The following FAF1 variants were observed in gnomAD, a reference collection of about 807,000 sequenced individuals.
FAF1 encodes Fas associated factor 1, also known as FAS-associated factor 1.
A neutral mutation model predicts 92.5 loss-of-function variants in FAF1; 25 were observed. The observed-to-expected ratio is 0.27, with a 90% CI of 0.20 to 0.38. The LOEUF is 0.38. Among genes scored for constraint, FAF1 ranks in the 10% least tolerant of loss-of-function variants. The probability of loss-of-function intolerance (pLI) is 1.00; values close to 1 mark genes in which losing one functional copy is unlikely to be tolerated. For missense variants in FAF1, 636 were observed against 793.3 expected, an observed-to-expected ratio of 0.80 and a Z score of 2.38; for synonymous variants, 234 against 273.2, an observed-to-expected ratio of 0.86 and a Z score of 1.42.
intron 2 of FAF1, among the ~76,000 whole-genome samples, chr1:50,853,087 A>T (rs942050777): frequency 2.0e-5 from 3 of 152,074 alleles, no homozygotes. Flanking sequence ...GAGGACAGAG[A>T]CTCATTATTA....
chr1:50,468,029 C>A (rs1166480967), intron 18 of FAF1, among the ~76,000 whole-genome samples: 1 of 152,032 alleles, frequency 6.6e-6, no homozygotes, highest in African/African-American at 2.4e-5. Context: ...GGCAACATGG[C>A]AAAATCCCAT....
intron 1 of FAF1, among the ~76,000 whole-genome samples, chr1:50,869,182 T>G (rs919876129): frequency 6.6e-6 from 1 of 152,174 alleles, no homozygotes; most frequent in Non-Finnish European, 1.5e-5. Flanking sequence ...GGTATTAATA[T>G]TGTCATCTAG....
At position 50,931,888 on chromosome 1, in the gene FAF1, AAATAATAAT is replaced by A. The variant is rs201964842; in HGVS notation, c.45+27870_45+27878del. On this transcript the variant is annotated intron_variant, in intron 1 of 18. Transcript: ENST00000396153. ...GACTCTGTCTCAAAAATAAATAAAT[AAATAATAAT>A]AATAATAATAATAATAATAATAATA... is the stretch of plus-strand genomic sequence containing the variant. 4.4e-3 allele frequency among the ~76,000 whole-genome samples: 574 copies of A among 129,480 alleles called. 2 individuals carry two copies. The highest frequency in any genetic ancestry group is 4.9e-3 in the Non-Finnish European group (299 of 61,470). 84.9% of individuals were successfully genotyped at this position (129,480 alleles called of 152,430 possible).
intron 6 of FAF1, among the ~76,000 whole-genome samples, chr1:50,721,247 AAGTGAGACGAGTCTCACTCTTATCACC>A (rs1658399281): frequency 6.6e-6 from 1 of 151,790 alleles, no homozygotes; most frequent in South Asian, 2.1e-4. Context: ...GGCTGGAGAT[AAGTGAGACGAGTCTCACTCTTATCACC>A]AGCGATCTCT....
chr1:50,565,364 T>C (rs963993199), intron 13 of FAF1, among the ~76,000 whole-genome samples: 2 of 152,102 alleles, frequency 1.3e-5, no homozygotes, highest in Non-Finnish European at 2.9e-5. Context: ...AAAATGTAGA[T>C]TGAAATATCC....
chr1:50,854,004 A>T (rs988155461), intron 2 of FAF1, among the ~76,000 whole-genome samples: 12 of 152,012 alleles, frequency 7.9e-5, no homozygotes, highest in African/African-American at 2.7e-4. Flanking sequence ...CCTTCATTTT[A>T]TATGAGGAAT....
At chr1:50,698,713 T>C (rs556411669) in intron 7 of FAF1, among the ~76,000 whole-genome samples, 17 of 152,246 alleles carry the variant, frequency 1.1e-4, no homozygotes, top group East Asian at 1.9e-4. Context: ...GGTTTGGGAA[T>C]TCTCCTTATA....
intron 6 of FAF1, among the ~76,000 whole-genome samples, chr1:50,707,735 AAAAG>A (rs1421930178): frequency 1.3e-5 from 2 of 152,094 alleles, no homozygotes; most frequent in South Asian, 2.1e-4. Flanking sequence ...GAAAAAAAGG[AAAAG>A]AAAGAAAAGA....
chr1:50,533,275 T>A (rs764584788), intron 15 of FAF1, among the ~76,000 whole-genome samples: 2 of 152,162 alleles, frequency 1.3e-5, no homozygotes, highest in Non-Finnish European at 2.9e-5. Flanking sequence ...TTTCACCATG[T>A]TGCCCAGGCT....
At chr1:50,751,477 G>A (rs1162290427) in intron 4 of FAF1, among the ~76,000 whole-genome samples, 2 of 152,060 alleles carry the variant, frequency 1.3e-5, no homozygotes, top group Non-Finnish European at 2.9e-5. Flanking sequence ...CCATGTAGCT[G>A]GGACTACAGG....
At chr1:50,870,505 C>G (rs186264015) in intron 1 of FAF1, among the ~76,000 whole-genome samples, 1 of 152,216 alleles carries the variant, frequency 6.6e-6, no homozygotes, top group African/African-American at 2.4e-5. Flanking sequence ...ATCCCTGCAT[C>G]GAGCAAGTCC....
intron 7 of FAF1, among the ~76,000 whole-genome samples, chr1:50,690,810 T>A (rs1343750656): frequency 6.6e-6 from 1 of 152,192 alleles, no homozygotes; most frequent in Non-Finnish European, 1.5e-5. Flanking sequence ...ACTCTCGGCA[T>A]TTGATATAAA....
intron 3 of FAF1, among the ~76,000 whole-genome samples, chr1:50,797,655 T>C (rs889135529): frequency 6.6e-6 from 1 of 152,018 alleles, no homozygotes; most frequent in Non-Finnish European, 1.5e-5. Context: ...GCTGTGATTG[T>C]GCCTGGGCTA....
At chr1:50,504,776 AATG>A (rs1181987127) in intron 15 of FAF1, among the ~76,000 whole-genome samples, 21 of 152,336 alleles carry the variant, frequency 1.4e-4, no homozygotes, top group Admixed American at 1.2e-3. Flanking sequence ...CTGCTGATCC[AATG>A]ATAAGACCCT....
intron 15 of FAF1, among the ~76,000 whole-genome samples, chr1:50,493,824 TTGAC>T (rs1646868999): frequency 6.6e-6 from 1 of 152,198 alleles, no homozygotes; most frequent in African/African-American, 2.4e-5. Flanking sequence ...GAGCCTGAAA[TTGAC>T]TGGCTGGGCA....
intron 8 of FAF1, among the ~76,000 whole-genome samples, chr1:50,615,259 AC>A: frequency 6.6e-6 from 1 of 152,150 alleles, no homozygotes; most frequent in Non-Finnish European, 1.5e-5. Context: ...GTGTATATGT[AC>A]CACATTTTCT....
At chr1:50,539,159 T>G (rs937262913) in intron 14 of FAF1, among the ~76,000 whole-genome samples, 5 of 152,172 alleles carry the variant, frequency 3.3e-5, no homozygotes, top group African/African-American at 7.2e-5. Context: ...ATCATACAAA[T>G]AAGAAGAAAC....
chr1:50,867,408 G>A lies in FAF1; in HGVS notation c.46-9411C>T, dbSNP rs185475899. Among the ~76,000 whole-genome samples the A allele has an allele frequency of 2.3e-3, 354 of 152,226 alleles. 1 individual carries two copies. The highest frequency in any genetic ancestry group is 8.3e-3 in the African/African-American group (345 of 41,556). On this transcript the variant is annotated intron_variant, in intron 1 of 18. Transcript: ENST00000396153. ...GCAGCATAAACTGACAACCCACAGA[G>A]TGGGAGAAAATCTTGGTAAATTATG... is the stretch of plus-strand genomic sequence containing the variant.
At chr1:50,750,889 C>T (rs2124509422) in intron 4 of FAF1, among the ~76,000 whole-genome samples, 1 of 151,664 alleles carries the variant, frequency 6.6e-6, no homozygotes, top group East Asian at 2.0e-4. Context: ...TCTCAAAATG[C>T]TGGGATTATA....
Sources: allele counts gnomAD v4.1 joint callset (sites outside exome capture counted in the v4.1 genomes callset), GRCh38; gene constraint gnomAD v4.1.1; transcripts MANE v1.5; gene names NCBI Gene and HGNC (gene_info 2026-07-23, HGNC 2026-07-21).